OR5B2: variants seen among roughly 807,000 people sequenced by gnomAD.
OR5B2 encodes the protein olfactory receptor 5B2.
For missense variants in OR5B2, 411 were observed against 367.0 expected (o/e 1.12, Z -0.98); for synonymous variants, 163 against 140.8 (o/e 1.16, Z -1.11).
rs941822025 is a variant in OR5B2, at chr11:58,422,740, G to A, written c.522C>T (p.His174=). Residue 174 remains histidine (H), a synonymous_variant, in exon 3 of 3, where the codon CAC becomes CAT. Coordinates refer to ENST00000641342, the MANE Select transcript of OR5B2 (RefSeq NM_001005566.3). The stretch of plus-strand genomic sequence containing the variant: ...TGACTGCTGGAACATCACAGAAAAA[G>A]TGATGTACCAGATTGGATTTACAGA... ...LSFCKSNLVH[H]FFCDVPAVMA... 3 of 1,613,702 alleles carry A rather than the reference G, an allele frequency of 1.9e-6. No homozygotes were observed. Among genetic ancestry groups the A allele is most frequent in the South Asian group, 1.1e-5 (1 of 91,082 alleles).
chr11:58,425,981 A>T (rs1237843327), intron 2 of OR5B2, among the ~76,000 whole-genome samples: 1 of 152,144 alleles, frequency 6.6e-6, no homozygotes, highest in Admixed American at 6.6e-5. Flanking sequence ...TAGGCATGAG[A>T]CTGTGCTTCA....
chr11:58,423,035 G>A lies in OR5B2; in HGVS notation c.227C>T (p.Thr76Ile). 6.2e-7 allele frequency: 1 copy of A among 1,613,606 alleles called. No individual in the cohort carries two copies. ...LVDFGYSSAV[T>I]PKVMAGFLRG... Reference sequence around the variant, plus strand: ...AAGGAACCCAGCCATGACCTTGGGAGTGACAGCTGAGGAGTATCCAAAGTC... The same window carrying A: ...AAGGAACCCAGCCATGACCTTGGGAATGACAGCTGAGGAGTATCCAAAGTC... The change falls in exon 3 of 3, where the codon ACT becomes ATT. Residue 76 changes from threonine (T) to isoleucine (I), a missense_variant. Coordinates refer to ENST00000641342, the MANE Select transcript of OR5B2 (RefSeq NM_001005566.3).
chr11:58,425,102 G>C (rs1855322438), intron 2 of OR5B2, among the ~76,000 whole-genome samples: 2 of 152,138 alleles, frequency 1.3e-5, no homozygotes, highest in South Asian at 4.1e-4. Context: ...TGGGGGAAAG[G>C]TTACAATTCT....
At chr11:58,425,592 GGTA>G (rs1855327268) in intron 2 of OR5B2, among the ~76,000 whole-genome samples, 1 of 151,888 alleles carries the variant, frequency 6.6e-6, no homozygotes, top group Non-Finnish European at 1.5e-5. Flanking sequence ...ATATGTCTCA[GGTA>G]GTGGTCAAAA....
intron 2 of OR5B2, 21 bp from the exon 3 acceptor site, chr11:58,423,310 G>A: frequency 4.4e-6 from 5 of 1,132,334 alleles, no homozygotes; most frequent in Admixed American, 2.3e-5. Flanking sequence ...GAGAAATAAA[G>A]CAATAGAGTG....
intron 2 of OR5B2, among the ~76,000 whole-genome samples, chr11:58,425,545 G>A (rs1045208415): frequency 1.3e-5 from 2 of 151,790 alleles, no homozygotes; most frequent in African/African-American, 2.4e-5. Flanking sequence ...TTGGAAATTC[G>A]GTCATGAAAT....
At position 58,422,685 on chromosome 11, in the gene OR5B2, T is replaced by A. The variant is rs746568992; in HGVS notation, c.577A>T (p.Ser193Cys). 1.2e-6 allele frequency: 2 copies of A among 1,613,490 alleles called. No homozygotes were observed. The highest frequency in any genetic ancestry group is 1.7e-6 in the Non-Finnish European group (2 of 1,179,676). Residue 193 changes from serine to cysteine, a missense_variant, in exon 3 of 3, where the codon AGT becomes TGT. Transcript: ENST00000641342. Reference sequence around the variant, plus strand: ...GACATAAAAACCAGAATCACCTCACTAGTGTGTTTATCAGAGCAAGACAGA... The same window carrying A: ...GACATAAAAACCAGAATCACCTCACAAGTGTGTTTATCAGAGCAAGACAGA... Reference protein sequence around the residue: ...MALSCSDKHTSEVILVFMSSF... With the variant: ...MALSCSDKHTCEVILVFMSSF...
At position 58,422,355 on chromosome 11, in the gene OR5B2, A is replaced by G. The variant is rs1855284067; in HGVS notation, c.907T>C (p.Leu303=). Residue 303 remains leucine, a synonymous_variant, in exon 3 of 3, where the codon TTG becomes CTG. Transcript: ENST00000641342. ...ACTTATAGAAATTTTTGCCTTCTCAACACTTTCTTGAATGCATTCTGGACT... is the reference window on the plus strand; with the variant it reads ...ACTTATAGAAATTTTTGCCTTCTCAGCACTTTCTTGAATGCATTCTGGACT... ...REVQNAFKKV[L]RRQKFL The G allele has an allele frequency of 6.2e-7, 1 of 1,607,716 alleles. No individual in the cohort carries two copies. Among genetic ancestry groups the G allele is most frequent in the African/African-American group, 1.3e-5 (1 of 74,824 alleles).
At position 58,422,980 on chromosome 11, in the gene OR5B2, T is replaced by C. The variant is rs143243243; in HGVS notation, c.282A>G (p.Ala94=). ...LRGDKVISYN[A]CAVQMFFFVA... is the part of the protein sequence containing the mutation. ...CAAAGAAGAACATCTGAACAGCACA[T>C]GCATTGTAGGAGATGACCTTGTCTC... is the stretch of plus-strand genomic sequence containing the variant. The change falls in exon 3 of 3, where the codon GCA becomes GCG. Residue 94 remains alanine (A), a synonymous_variant. Coordinates refer to ENST00000641342, the MANE Select transcript of OR5B2 (RefSeq NM_001005566.3). 1 of 1,613,804 alleles carries C rather than the reference T, an allele frequency of 6.2e-7. No individual in the cohort carries two copies. Among genetic ancestry groups the C allele is most frequent in the East Asian group, 2.2e-5 (1 of 44,840 alleles).
intron 1 of OR5B2, among the ~76,000 whole-genome samples, chr11:58,427,048 T>C (rs1363402385): frequency 1.3e-5 from 2 of 151,974 alleles, no homozygotes; most frequent in African/African-American, 2.4e-5. Flanking sequence ...CACCAAAAGG[T>C]GACACACAGG....
chr11:58,422,063 G>C lies in OR5B2; in HGVS notation c.*269C>G, dbSNP rs1205959421. ...TGGAATGTGGTAGAAAAAATGCAAG[G>C]GGAACAAGTGAGTAAACCGAATGTC... On this transcript the variant is annotated 3_prime_UTR_variant, in exon 3 of 3. Coordinates refer to ENST00000641342, the MANE Select transcript of OR5B2 (RefSeq NM_001005566.3). 1 of 271,698 alleles carries C rather than the reference G, an allele frequency of 3.7e-6. No individual in the cohort carries two copies. Among genetic ancestry groups the C allele is most frequent in the South Asian group, 8.8e-5 (1 of 11,428 alleles). The allele number at this position is 271,698 out of a possible 1,614,324, so 16.8% of individuals were successfully genotyped here.
chr11:58,425,888 G>A (rs1052162444), intron 2 of OR5B2, among the ~76,000 whole-genome samples: 3 of 152,028 alleles, frequency 2.0e-5, no homozygotes, highest in African/African-American at 7.2e-5. Context: ...TACATTATGG[G>A]TCACAATGTA....
chr11:58,422,857 C>A lies in OR5B2; in HGVS notation c.405G>T (p.Thr135=), dbSNP rs202058891. The change falls in exon 3 of 3, where the codon ACG becomes ACT. Residue 135 remains threonine, a synonymous_variant. Coordinates refer to ENST00000641342, the MANE Select transcript of OR5B2 (RefSeq NM_001005566.3). ...GGGCCAGACAGGCACCTACACTGGCCGTCATGGTGGTGGTGTAGTGTAGGG... is the reference window on the plus strand; with the variant it reads ...GGGCCAGACAGGCACCTACACTGGCAGTCATGGTGGTGGTGTAGTGTAGGG... ...CKPLHYTTTM[T]ASVGACLALG... The A allele has an allele frequency of 1.9e-6, 3 of 1,613,626 alleles. No individual in the cohort carries two copies. The highest frequency in any genetic ancestry group is 2.7e-5 in the African/African-American group (2 of 75,020).
At position 58,423,262 on chromosome 11, in the gene OR5B2, C is replaced by A. The variant is rs544833685; in HGVS notation, c.-1G>T. 6 of 1,562,982 alleles carry A rather than the reference C, an allele frequency of 3.8e-6. No individual in the cohort carries two copies. In the South Asian group the frequency reaches 5.9e-5, roughly 15 times the overall value. ...TTGTCACTTCCGTACAATTCTCCAT[C>A]AGTATTATCTGAGAAACTTAAGATG... On this transcript the variant is annotated 5_prime_UTR_variant, in exon 3 of 3. Transcript: ENST00000641342.
rs1019273464 is a variant in OR5B2 at position 58,422,791 on chromosome 11, G to A, written c.471C>T (p.His157=). 1.2e-6 allele frequency: 2 copies of A among 1,613,666 alleles called. No homozygotes were observed. The highest frequency in any genetic ancestry group is 3.3e-5 in the Admixed American group (2 of 59,882). Residue 157 remains histidine, a synonymous_variant, in exon 3 of 3, where the codon CAC becomes CAT. Transcript: ENST00000641342. ...AAGAGAGACTGAATATGCCCCCAAT[G>A]TGGAATGAGGCATTTAGGAAGCCAC... ...YVCGFLNASF[H]IGGIFSLSFC... is the part of the protein sequence containing the mutation.
chr11:58,426,161 G>GTTTT (rs1453122839), intron 2 of OR5B2, among the ~76,000 whole-genome samples: 1 of 143,922 alleles, frequency 6.9e-6, no homozygotes, highest in African/African-American at 3.0e-5. Flanking sequence ...GTGTATAAGG[G>GTTTT]TTTTGTTTTT....
At chr11:58,427,572 G>A (rs561686033) in intron 1 of OR5B2, among the ~76,000 whole-genome samples, 18 of 152,176 alleles carry the variant, frequency 1.2e-4, no homozygotes, top group African/African-American at 4.1e-4. Context: ...TTGCTCACTT[G>A]GAAATAGCAA....
intron 2 of OR5B2, among the ~76,000 whole-genome samples, chr11:58,424,682 T>G (rs777254430): frequency 1.3e-5 from 2 of 152,108 alleles, no homozygotes; most frequent in Non-Finnish European, 2.9e-5. Flanking sequence ...ATGAATAGTG[T>G]TTTAAATTAG....
At chr11:58,425,574 GA>G (rs538145332) in intron 2 of OR5B2, among the ~76,000 whole-genome samples, 6 of 151,530 alleles carry the variant, frequency 4.0e-5, no homozygotes, top group South Asian at 2.1e-4. Flanking sequence ...AATAACATTA[GA>G]AAAAAAATAT....
Sources: allele counts gnomAD v4.1 joint callset (sites outside exome capture counted in the v4.1 genomes callset), GRCh38; gene constraint gnomAD v4.1.1; transcripts MANE v1.5; gene names NCBI Gene and HGNC (gene_info 2026-07-23, HGNC 2026-07-21).